GPHN: variants seen among roughly 807,000 people sequenced by gnomAD.
GPHN encodes the protein gephyrin.
In GPHN, 17 loss-of-function variants were observed where a neutral mutation model predicts 95.5. That is an observed-to-expected ratio of 0.18 (90% confidence interval 0.12 to 0.27). The LOEUF is 0.27. GPHN is among the 10% of genes least tolerant of loss of function. The pLI is 1.00. For synonymous variants in GPHN, 320 were observed against 322.5 expected (o/e 0.99, Z 0.08); for missense variants, 660 against 978.1 (o/e 0.67, Z 4.34).
the GPHN span, among the ~76,000 whole-genome samples, chr14:67,609,419 T>C: frequency 6.6e-6 from 1 of 152,342 alleles, no homozygotes; most frequent in East Asian, 1.9e-4. Context: ...ACCCCATATG[T>C]GGAAGTCCCC....
chr14:67,135,078 G>T (rs2079987053), intron 17 of GPHN, among the ~76,000 whole-genome samples: 2 of 147,000 alleles, frequency 1.4e-5, no homozygotes, highest in East Asian at 4.0e-4. Context: ...TCCTGCCTCA[G>T]TGTCCTGAGT....
At chr14:66,640,371 A>C (rs545182835) in intron 1 of GPHN, among the ~76,000 whole-genome samples, 1 of 152,184 alleles carries the variant, frequency 6.6e-6, no homozygotes, top group African/African-American at 2.4e-5. Context: ...GCAGTGAGCC[A>C]AGACTGCACC....
intron 2 of GPHN, among the ~76,000 whole-genome samples, chr14:66,749,350 G>A (rs572689108): frequency 6.6e-6 from 1 of 152,034 alleles, no homozygotes; most frequent in South Asian, 2.1e-4. Context: ...ATTCCTTTGA[G>A]TAAATACCAT....
chr14:67,584,203 G>T, the GPHN span: 1 of 1,462,074 alleles, frequency 6.8e-7, no homozygotes, highest in Non-Finnish European at 9.4e-7. Flanking sequence ...CCAATTTGCA[G>T]CCCCTACCTC....
At position 66,623,289 on chromosome 14, in the gene GPHN, C is replaced by T. The variant is rs1428708440; in HGVS notation, c.65-57818C>T. 2.0e-5 allele frequency among the ~76,000 whole-genome samples: 3 copies of T among 152,124 alleles called. No individual in the cohort carries two copies. In the East Asian group the frequency reaches 5.8e-4, roughly 29 times the overall value. The stretch of plus-strand genomic sequence containing the variant: ...AAGACCCACCCCCATAATTCAATCA[C>T]CTCCGACCAGGTTCCTCCCAAGACA... On this transcript the variant is annotated intron_variant, in intron 1 of 22. Transcript: ENST00000478722.
intron 2 of GPHN, among the ~76,000 whole-genome samples, chr14:66,704,179 A>G (rs889718083): frequency 3.9e-5 from 6 of 152,158 alleles, no homozygotes; most frequent in Admixed American, 3.3e-4. Flanking sequence ...ACAAGTTGCT[A>G]GAGACCTGAA....
intron 1 of GPHN, among the ~76,000 whole-genome samples, chr14:66,603,262 G>GTAATC (rs1000786376): frequency 1.3e-5 from 2 of 151,822 alleles, no homozygotes; most frequent in Non-Finnish European, 3.0e-5. Flanking sequence ...TAAAATCCCT[G>GTAATC]TAATCCCTCT....
chr14:66,685,059 T>C (rs1188718351), intron 2 of GPHN, among the ~76,000 whole-genome samples: 1 of 152,224 alleles, frequency 6.6e-6, no homozygotes, highest in Non-Finnish European at 1.5e-5. Context: ...TTCATTCATG[T>C]CCCTACAAAG....
At chr14:67,573,371 G>A in the GPHN span, 1 of 1,603,178 alleles carries the variant, frequency 6.2e-7, no homozygotes. The surrounding 1 kb of genome is among the most constrained non-coding windows in gnomAD (Gnocchi z 4.8). Context: ...GACAGATTAT[G>A]TACTACAAGT....
chr14:66,992,381 C>A (rs1249618116), intron 9 of GPHN, among the ~76,000 whole-genome samples: 1 of 151,988 alleles, frequency 6.6e-6, no homozygotes, highest in African/African-American at 2.4e-5. Context: ...TGAAAAAAGT[C>A]AAGGGAGGAG....
intron 9 of GPHN, among the ~76,000 whole-genome samples, chr14:66,976,911 T>A (rs1320703891): frequency 1.2e-5 from 1 of 81,340 alleles, no homozygotes. Context: ...AGCACAGAAA[T>A]ATGTGGGGGG....
At chr14:67,083,190 G>T (rs2076756580) in intron 11 of GPHN, among the ~76,000 whole-genome samples, 2 of 152,034 alleles carry the variant, frequency 1.3e-5, no homozygotes, top group African/African-American at 2.4e-5. Flanking sequence ...TGTCAATTTT[G>T]CAAATAGTTG....
the GPHN span, chr14:67,690,139 C>A: frequency 7.3e-7 from 1 of 1,375,056 alleles, no homozygotes; most frequent in South Asian, 1.2e-5. Context: ...GCTCTGGAAA[C>A]AGTTTCCATT....
intron 12 of GPHN, among the ~76,000 whole-genome samples, chr14:67,100,545 T>A (rs2077640838): frequency 6.6e-6 from 1 of 152,174 alleles, no homozygotes; most frequent in South Asian, 2.1e-4. Flanking sequence ...TTGGCTAGAA[T>A]AACTTATTAG....
chr14:66,838,001 C>T (rs1201209353), intron 4 of GPHN, among the ~76,000 whole-genome samples: 1 of 152,008 alleles, frequency 6.6e-6, no homozygotes, highest in Admixed American at 6.6e-5. Context: ...GCCCATATAA[C>T]CTTTTATGGA....
chr14:67,021,052 A>G (rs1042442597), intron 9 of GPHN, among the ~76,000 whole-genome samples: 1 of 152,138 alleles, frequency 6.6e-6, no homozygotes, highest in Non-Finnish European at 1.5e-5. Context: ...TTACATTGTG[A>G]GTTAAGTAAA....
At chr14:66,776,794 G>A (rs1421788500) in intron 3 of GPHN, among the ~76,000 whole-genome samples, 1 of 152,022 alleles carries the variant, frequency 6.6e-6, no homozygotes, top group Admixed American at 6.6e-5. Context: ...AAAACACTGT[G>A]TATAAGCATT....
the GPHN span, chr14:67,570,248 T>A: frequency 2.9e-6 from 2 of 701,428 alleles, no homozygotes; most frequent in African/African-American, 3.9e-5. Context: ...GTTAAGCCTA[T>A]GCCCGCTTTA....
chr14:66,528,160 C>T (rs542726291), intron 1 of GPHN, among the ~76,000 whole-genome samples: 4 of 152,252 alleles, frequency 2.6e-5, no homozygotes, highest in African/African-American at 9.6e-5. Context: ...GTATTGGGTG[C>T]ATATATATTT....
Sources: gnomAD v4.1 joint callset for allele counts (sites outside exome capture counted in the v4.1 genomes callset) on GRCh38, gnomAD v4.1.1 for gene constraint, Gnocchi (gnomAD v3.1) non-coding constraint, MANE v1.5 for transcripts, NCBI Gene and HGNC (gene_info 2026-07-23, HGNC 2026-07-21) for gene names.